LIMCH1: variants seen among roughly 807,000 people sequenced by gnomAD.
LIMCH1 encodes LIM and calponin homology domains 1.
Under a neutral mutation model 176.5 loss-of-function variants are expected in LIMCH1, and 113 were observed. The observed-to-expected ratio is 0.64, with a 90% CI of 0.55 to 0.75. LIMCH1 has a LOEUF of 0.75. LIMCH1 is among the 30% of genes least tolerant of loss of function. LIMCH1 has a pLI of 0.00. For missense variants in LIMCH1, 1,674 were observed against 1,814.9 expected, an observed-to-expected ratio of 0.92 and a Z score of 1.41; for synonymous variants, 619 against 645.9, an observed-to-expected ratio of 0.96 and a Z score of 0.63.
intron 1 of LIMCH1, among the ~76,000 whole-genome samples, chr4:41,432,710 T>G (rs1262682529): frequency 6.6e-6 from 1 of 152,238 alleles, no homozygotes; most frequent in Non-Finnish European, 1.5e-5. Context: ...ATTTTTACTT[T>G]GAATTATGAG....
chr4:41,548,294 A>G (rs2079883948), intron 1 of LIMCH1, among the ~76,000 whole-genome samples: 1 of 152,168 alleles, frequency 6.6e-6, no homozygotes, highest in African/African-American at 2.4e-5. Flanking sequence ...CATTTGTAAA[A>G]TGCGAGTGTT....
chr4:41,431,773 A>G (rs933671376), intron 1 of LIMCH1, among the ~76,000 whole-genome samples: 4 of 152,164 alleles, frequency 2.6e-5, no homozygotes, highest in African/African-American at 9.7e-5. Context: ...TTAAGTTATA[A>G]ATCTTTTCTT....
chr4:41,493,784 G>A (rs1396226868), intron 1 of LIMCH1, among the ~76,000 whole-genome samples: 1 of 152,214 alleles, frequency 6.6e-6, no homozygotes, highest in African/African-American at 2.4e-5. Context: ...CTAGGCCACA[G>A]GGCTGCTGAG....
In LIMCH1 at chr4:41,530,125, G is replaced by A. The variant is rs549582786; in HGVS notation, c.237+5647G>A. ...ACATCAGAACAGTTGCCATTTCATC[G>A]AGTGAGATCAGAGTAGGGGAAGTGA... is the stretch of plus-strand genomic sequence containing the variant. On this transcript the variant is annotated intron_variant, in intron 3 of 26. Coordinates refer to the LIMCH1 transcript ENST00000313860. 3.9e-5 allele frequency among the ~76,000 whole-genome samples: 6 copies of A among 152,274 alleles called. No individual in the cohort carries two copies. The South Asian group carries it at 8.3e-4, about 21-fold the overall frequency.
At chr4:41,634,476 TCCAAGGA>T (rs1043473843) in intron 13 of LIMCH1, among the ~76,000 whole-genome samples, 22 of 152,192 alleles carry the variant, frequency 1.4e-4, no homozygotes, top group African/African-American at 4.8e-4. Flanking sequence ...GTTCTGCTTC[TCCAAGGA>T]CCCTGATGGC....
At chr4:41,602,723 G>A (rs985640116) in intron 2 of LIMCH1, among the ~76,000 whole-genome samples, 8 of 151,706 alleles carry the variant, frequency 5.3e-5, no homozygotes, top group Non-Finnish European at 7.4e-5. Context: ...CAGGAGAATC[G>A]CTTGAACCTA....
intron 23 of LIMCH1, 117 bp downstream of exon 23, chr4:41,676,579 G>T (rs2095226141): frequency 2.6e-6 from 2 of 772,918 alleles, no homozygotes; most frequent in Admixed American, 4.3e-5. Context: ...TCGGAAGTTA[G>T]TGAGTCTCAA....
At chr4:41,443,204 T>C (rs1234267670) in intron 1 of LIMCH1, among the ~76,000 whole-genome samples, 4 of 42,220 alleles carry the variant, frequency 9.5e-5, no homozygotes, top group African/African-American at 2.4e-4. Context: ...TTTTTTTTTT[T>C]TTTTTTTTTT....
At chr4:41,573,390 C>T (rs933651588) in intron 1 of LIMCH1, among the ~76,000 whole-genome samples, 1 of 152,166 alleles carries the variant, frequency 6.6e-6, no homozygotes, top group Non-Finnish European at 1.5e-5. Flanking sequence ...GCAGTCCACT[C>T]AGAGACTGTT....
chr4:41,532,993 T>C (rs548118548), intron 3 of LIMCH1, among the ~76,000 whole-genome samples: 1 of 151,928 alleles, frequency 6.6e-6, no homozygotes, highest in Non-Finnish European at 1.5e-5. Context: ...CAGGCCAGAG[T>C]AGGGAGCTTA....
intron 2 of LIMCH1, among the ~76,000 whole-genome samples, chr4:41,502,780 G>T (rs1440244973): frequency 6.6e-6 from 1 of 151,782 alleles, no homozygotes; most frequent in Non-Finnish European, 1.5e-5. Context: ...TTTGGTGGTC[G>T]GGTTGGGGGT....
intron 1 of LIMCH1, among the ~76,000 whole-genome samples, chr4:41,576,316 CTTA>C (rs946370071): frequency 2.0e-5 from 3 of 151,850 alleles, no homozygotes; most frequent in Non-Finnish European, 2.9e-5. Flanking sequence ...ATTGTTTTAT[CTTA>C]TTATAAAGGC....
upstream of LIMCH1, among the ~76,000 whole-genome samples, chr4:41,535,162 C>CAAAA (rs61639965): frequency 7.6e-3 from 638 of 83,806 alleles, 1 homozygote; most frequent in Middle Eastern, 0.015. Flanking sequence ...GACCCTGTCA[C>CAAAA]AAAAAAAAAA....
chr4:41,621,997 G>A (rs115604960), intron 7 of LIMCH1, among the ~76,000 whole-genome samples: 2,074 of 151,482 alleles, frequency 0.014, 58 homozygotes, highest in African/African-American at 0.047. Flanking sequence ...AACAACTAAG[G>A]ATATACTTCC....
chr4:41,412,300 G>A (rs1408402300), intron 1 of LIMCH1, among the ~76,000 whole-genome samples: 2 of 152,098 alleles, frequency 1.3e-5, no homozygotes, highest in Non-Finnish European at 2.9e-5. Flanking sequence ...GAAAATTAGA[G>A]GATACTAAGA....
chr4:41,441,361 C>T (rs754889177), intron 1 of LIMCH1, among the ~76,000 whole-genome samples: 43 of 152,142 alleles, frequency 2.8e-4, no homozygotes, highest in Admixed American at 3.9e-4. Context: ...GTTCCCTTGG[C>T]CAATCCTCTT....
chr4:41,613,104 G>A, intron 4 of LIMCH1: 1 of 1,551,860 alleles, frequency 6.4e-7, no homozygotes, highest in South Asian at 1.2e-5. Context: ...TCAAGGTTAA[G>A]GTTTTGGTTT....
intron 1 of LIMCH1, among the ~76,000 whole-genome samples, chr4:41,413,415 G>GA (rs1213793350): frequency 6.6e-6 from 1 of 151,502 alleles, no homozygotes; most frequent in African/African-American, 2.4e-5. Context: ...CTGCAGCCTT[G>GA]AACCCCTGGG....
rs372676285 is a variant in LIMCH1 at position 41,372,659 on chromosome 4, T to A, written c.96+11723T>A. On this transcript the variant is annotated intron_variant, in intron 1 of 26. Coordinates refer to the LIMCH1 transcript ENST00000313860. ...GCTATCAGAAGACCTTGGACAACATTTCCAGGAGAAGCTTCTGTTGCCTTT... is the reference window on the plus strand; with the variant it reads ...GCTATCAGAAGACCTTGGACAACATATCCAGGAGAAGCTTCTGTTGCCTTT... 6.6e-5 allele frequency among the ~76,000 whole-genome samples: 10 copies of A among 152,316 alleles called. No homozygotes were observed. In the East Asian group the frequency reaches 1.4e-3, roughly 21 times the overall value.
Sources: allele counts gnomAD v4.1 joint callset (sites outside exome capture counted in the v4.1 genomes callset), GRCh38; gene constraint gnomAD v4.1.1; transcripts MANE v1.5; gene names NCBI Gene and HGNC (gene_info 2026-07-23, HGNC 2026-07-21).